Variants in SLC29A4 observed in about 807,000 individuals in gnomAD.
SLC29A4 encodes the protein equilibrative nucleoside transporter 4.
SLC29A4 carries 36 observed loss-of-function variants against 43.9 expected under a neutral mutation model. The observed-to-expected ratio is 0.82, with a 90% CI of 0.63 to 1.08. The LOEUF is 1.08. Among genes scored for constraint, SLC29A4 ranks in the 50% least tolerant of loss-of-function variants. SLC29A4 has a pLI of 0.00. For synonymous variants in SLC29A4, 491 were observed against 338.0 expected (o/e 1.45, Z -4.97); for missense variants, 869 against 755.3 (o/e 1.15, Z -1.77).
chr7:5,300,556 G>C lies in SLC29A4; in HGVS notation c.1344G>C (p.Trp448Cys). The part of the protein sequence containing the change: ...SGMPALRHPA[W>C]PCIFSLLMGI... The stretch of plus-strand genomic sequence containing the variant: ...TGCCCGCCCTCCGTCACCCCGCCTG[G>C]CCCTGCATCTTCTCACTGCTCATGG... Residue 448 changes from tryptophan to cysteine, a missense_variant, in exon 10 of 11, where the codon TGG becomes TGC. Coordinates refer to ENST00000396872, the MANE Select transcript of SLC29A4 (RefSeq NM_153247.4). The C allele has an allele frequency of 6.2e-7, 1 of 1,612,392 alleles. No individual in the cohort carries two copies. The highest frequency in any genetic ancestry group is 8.5e-7 in the Non-Finnish European group (1 of 1,179,746).
intron 6 of SLC29A4, among the ~76,000 whole-genome samples, chr7:5,295,985 A>G (rs1464226429): frequency 1.6e-4 from 24 of 152,038 alleles, no homozygotes; most frequent in South Asian, 6.2e-4. Context: ...CACACTGGGC[A>G]GTGGCGCATG....
Position 5,300,651 on chromosome 7 carries a change from G to C in SLC29A4, c.1439G>C (p.Arg480Pro). The C allele has an allele frequency of 6.2e-7, 1 of 1,608,596 alleles. No individual in the cohort carries two copies. Among genetic ancestry groups the C allele is most frequent in the Non-Finnish European group, 8.5e-7 (1 of 1,178,844 alleles). ...LAAGKVSPKQ[R>P]ELAGNTMTVS... ...GCAGGCAAAGTGAGCCCCAAGCAGC[G>C]GGAGCTGGCAGGTGAGGCCCGCGGG... Residue 480 changes from arginine to proline, a missense_variant, in exon 10 of 11, where the codon CGG becomes CCG. Coordinates refer to ENST00000396872, the MANE Select transcript of SLC29A4 (RefSeq NM_153247.4).
At position 5,301,732 on chromosome 7, in the gene SLC29A4, C is replaced by A. The variant is rs191536269; in HGVS notation, c.1451-1065C>A. ...CTTGTTTGGACGGCAGCCCACAGGA[C>A]CGGCTGATGGGTTGAGAGGTAGGGT... On this transcript the variant is annotated intron_variant, in intron 10 of 10. Coordinates refer to ENST00000396872, the MANE Select transcript of SLC29A4 (RefSeq NM_153247.4). 9.9e-5 allele frequency among the ~76,000 whole-genome samples: 15 copies of A among 152,222 alleles called. No homozygotes were observed. The East Asian group carries it at 2.9e-3, about 29-fold the overall frequency.
At chr7:5,298,634 A>C (rs1785886487) in intron 7 of SLC29A4, among the ~76,000 whole-genome samples, 1 of 152,172 alleles carries the variant, frequency 6.6e-6, no homozygotes, top group South Asian at 2.1e-4. Context: ...TCTACAAAAA[A>C]GAAAACGGCA....
chr7:5,299,214 T>C, intron 8 of SLC29A4, 26 bp from the exon 9 acceptor site: 2 of 1,603,536 alleles, frequency 1.2e-6, no homozygotes, highest in Non-Finnish European at 1.7e-6. Context: ...GGGCGCTGCC[T>C]CTGACCCCCG....
At position 5,306,866 on chromosome 7, in the gene SLC29A4, C is replaced by CAAAAG. The variant is rs1562464480; in HGVS notation, c.*3931_*3935dup. The CAAAAG allele has an allele frequency of 8.3e-6, 1 of 120,494 alleles. No homozygotes were observed. The highest frequency in any genetic ancestry group is 1.7e-5 in the Non-Finnish European group (1 of 60,296). 7.5% of individuals were successfully genotyped at this position (120,494 alleles called of 1,614,324 possible). A position where few individuals can be genotyped will look rare whatever the true frequency, so the allele number is the denominator to read the frequency against. ...CAGAATTTGCCAACAAACAAAATTCCAAAAGAAACATAAAAAAAAAAACCA... is the reference window on the plus strand; with the variant it reads ...CAGAATTTGCCAACAAACAAAATTCCAAAAGAAAAGAAACATAAAAAAAAAAACCA... On this transcript the variant is annotated 3_prime_UTR_variant, in exon 11 of 11. Coordinates refer to ENST00000396872, the MANE Select transcript of SLC29A4 (RefSeq NM_153247.4).
Position 5,305,956 on chromosome 7 carries a change from C to G in SLC29A4, c.*3017C>G, listed in dbSNP as rs1458312884. The G allele has an allele frequency of 6.6e-6, 1 of 152,166 alleles. No individual in the cohort carries two copies. The highest frequency in any genetic ancestry group is 1.5e-5 in the Non-Finnish European group (1 of 68,092). 9.4% of individuals were successfully genotyped at this position (152,166 alleles called of 1,614,324 possible). Reference sequence around the variant, plus strand: ...CTTTGCCGTGGGTTCAAGCGATTCTCCTGCCTCAGCCTCCCAAGTAGCTGG... The same window carrying G: ...CTTTGCCGTGGGTTCAAGCGATTCTGCTGCCTCAGCCTCCCAAGTAGCTGG... On this transcript the variant is annotated 3_prime_UTR_variant, in exon 11 of 11. Transcript: ENST00000396872.
chr7:5,296,047 G>A (rs1257755863), intron 6 of SLC29A4, among the ~76,000 whole-genome samples: 4 of 151,208 alleles, frequency 2.6e-5, no homozygotes, highest in South Asian at 2.1e-4. Flanking sequence ...CCTCCCTCCC[G>A]GCCTCGTGAC....
Position 5,305,576 on chromosome 7 carries a change from T to A in SLC29A4, c.*2637T>A, listed in dbSNP as rs1338167721. 1 of 148,730 alleles carries A rather than the reference T, an allele frequency of 6.7e-6. No homozygotes were observed. Among genetic ancestry groups the A allele is most frequent in the Non-Finnish European group, 1.5e-5 (1 of 67,450 alleles). The allele number at this position is 148,730 out of a possible 1,614,324, so 9.2% of individuals were successfully genotyped here. On this transcript the variant is annotated 3_prime_UTR_variant, in exon 11 of 11. Transcript: ENST00000396872. ...GCTTTGCTTTTTTTTTTTTTTTTTTTGGAGGAGTTTCGCTTTTGTTGCCCA... is the reference window on the plus strand; with the variant it reads ...GCTTTGCTTTTTTTTTTTTTTTTTTAGGAGGAGTTTCGCTTTTGTTGCCCA...
At chr7:5,301,804 C>T (rs1786186189) in intron 10 of SLC29A4, among the ~76,000 whole-genome samples, 1 of 152,044 alleles carries the variant, frequency 6.6e-6, no homozygotes, top group South Asian at 2.1e-4. Context: ...CTGCTCAAGG[C>T]AAGAAGGCTG....
intron 4 of SLC29A4, among the ~76,000 whole-genome samples, 197 bp downstream of exon 4, chr7:5,291,434 C>G (rs1785303993): frequency 6.6e-6 from 1 of 152,250 alleles, no homozygotes; most frequent in African/African-American, 2.4e-5. Context: ...GGGCCTTGCC[C>G]AAGCTCTTCC....
chr7:5,304,825 C>G lies in SLC29A4; in HGVS notation c.*1886C>G, dbSNP rs1786400837. The stretch of plus-strand genomic sequence containing the variant: ...GTCCTGTGCCTCATTTTTGTTTTTT[C>G]TTTCTTTACAAGACAGGCTCTCGCT... On this transcript the variant is annotated 3_prime_UTR_variant, in exon 11 of 11. Coordinates refer to ENST00000396872, the MANE Select transcript of SLC29A4 (RefSeq NM_153247.4). 6.6e-6 allele frequency: 1 copy of G among 151,822 alleles called. No individual in the cohort carries two copies. The highest frequency in any genetic ancestry group is 2.4e-5 in the African/African-American group (1 of 41,292). 9.4% of individuals were successfully genotyped at this position (151,822 alleles called of 1,614,324 possible). A position where few individuals can be genotyped will look rare whatever the true frequency, so the allele number is the denominator to read the frequency against.
intron 1 of SLC29A4, among the ~76,000 whole-genome samples, chr7:5,285,471 C>G (rs1403162965): frequency 6.6e-6 from 1 of 152,240 alleles, no homozygotes; most frequent in East Asian, 1.9e-4. Context: ...GCCCCCAAGA[C>G]CTGGAAATGG....
intron 10 of SLC29A4, among the ~76,000 whole-genome samples, chr7:5,301,651 T>C (rs972722098): frequency 1.3e-5 from 2 of 152,094 alleles, no homozygotes; most frequent in African/African-American, 4.8e-5. Context: ...CCCTTGAGAA[T>C]GGGGCTCAGA....
intron 1 of SLC29A4, 29 bp from the exon 2 acceptor site, chr7:5,287,780 A>G: frequency 6.2e-7 from 1 of 1,603,182 alleles, no homozygotes; most frequent in Non-Finnish European, 8.5e-7. Context: ...TTCTTCCCTC[A>G]CCTGCTCTCT....
In SLC29A4 at chr7:5,305,547, T is replaced by A. The variant is rs2128094578; in HGVS notation, c.*2608T>A. ...TTTGTGGTAGGCATGGCTGGAAATG[T>A]GCAGCTTTGCTTTTTTTTTTTTTTT... On this transcript the variant is annotated 3_prime_UTR_variant, in exon 11 of 11. Coordinates refer to ENST00000396872, the MANE Select transcript of SLC29A4 (RefSeq NM_153247.4). 6.7e-6 allele frequency: 1 copy of A among 148,570 alleles called. No homozygotes were observed. The highest frequency in any genetic ancestry group is 2.5e-5 in the African/African-American group (1 of 40,674). The allele number at this position is 148,570 out of a possible 1,614,324, so 9.2% of individuals were successfully genotyped here.
At position 5,303,495 on chromosome 7, in the gene SLC29A4, C is replaced by G. The variant is rs534726483; in HGVS notation, c.*556C>G. On this transcript the variant is annotated 3_prime_UTR_variant, in exon 11 of 11. Transcript: ENST00000396872. ...TAGAGACTGCTTCTCCCAAACATAA[C>G]GCGTTAGCCATGAAGGAGTCGGAGC... 6.3e-6 allele frequency: 1 copy of G among 158,136 alleles called. No individual in the cohort carries two copies. Among genetic ancestry groups the G allele is most frequent in the African/African-American group, 2.4e-5 (1 of 41,504 alleles). 9.8% of individuals were successfully genotyped at this position (158,136 alleles called of 1,614,324 possible). A position where few individuals can be genotyped will look rare whatever the true frequency, so the allele number is the denominator to read the frequency against.
At chr7:5,296,776 G>C (rs1203310622) in intron 6 of SLC29A4, among the ~76,000 whole-genome samples, 160 bp from the exon 7 acceptor site, 2 of 127,648 alleles carry the variant, frequency 1.6e-5, no homozygotes, top group African/African-American at 7.0e-5. Flanking sequence ...GGTGGGGGCA[G>C]GGCCTGTGGT....
chr7:5,300,591 A>G lies in SLC29A4; in HGVS notation c.1379A>G (p.Asn460Ser). The stretch of plus-strand genomic sequence containing the variant: ...TTCTCACTGCTCATGGGCATCAGCA[A>G]CGGCTACTTCGGCAGCGTGCCCATG... ...CIFSLLMGISNGYFGSVPMIL... is the reference protein window; with the variant it reads ...CIFSLLMGISSGYFGSVPMIL... Residue 460 changes from asparagine (N) to serine (S), a missense_variant, in exon 10 of 11, where the codon AAC (asparagine) becomes AGC (serine). Coordinates refer to ENST00000396872, the MANE Select transcript of SLC29A4 (RefSeq NM_153247.4). 3 of 1,611,670 alleles carry G rather than the reference A, an allele frequency of 1.9e-6. No individual in the cohort carries two copies. The highest frequency in any genetic ancestry group is 2.5e-6 in the Non-Finnish European group (3 of 1,179,202).
Sources: gnomAD v4.1 joint callset for allele counts (sites outside exome capture counted in the v4.1 genomes callset) on GRCh38, gnomAD v4.1.1 for gene constraint, MANE v1.5 for transcripts, NCBI Gene and HGNC (gene_info 2026-07-23, HGNC 2026-07-21) for gene names.